CCDC85C: variants seen among roughly 807,000 people sequenced by gnomAD.
The protein encoded by CCDC85C is coiled-coil domain containing 85C, also known as coiled-coil domain-containing protein 85C.
CCDC85C carries 18 observed loss-of-function variants against 38.3 expected under a neutral mutation model. The ratio of observed to expected loss-of-function variants is 0.47; its 90% CI spans 0.33 to 0.70. CCDC85C has a LOEUF of 0.70. CCDC85C is among the 30% of genes least tolerant of loss of function. The pLI is 0.03. For synonymous variants in CCDC85C, 264 were observed against 293.8 expected, an observed-to-expected ratio of 0.90 and a Z score of 1.04; for missense variants, 566 against 621.2, an observed-to-expected ratio of 0.91 and a Z score of 0.94.
At chr14:99,526,843 G>A (rs535164875) in intron 2 of CCDC85C, among the ~76,000 whole-genome samples, 2 of 152,332 alleles carry the variant, frequency 1.3e-5, no homozygotes, top group Non-Finnish European at 2.9e-5. Context: ...TGGAAGCAGA[G>A]GCTCGAATGC....
chr14:99,558,411 A>AAGAGTTCCAAACCAGCCTG lies in CCDC85C; in HGVS notation c.794-22342_794-22324dup, dbSNP rs1473274528. 4.6e-5 allele frequency among the ~76,000 whole-genome samples: 7 copies of AAGAGTTCCAAACCAGCCTG among 152,342 alleles called. No homozygotes were observed. In the South Asian group the frequency reaches 1.0e-3, roughly 23 times the overall value. ...AAATCCAGTGACTGCACGTGAGGTC[A>AAGAGTTCCAAACCAGCCTG]AGAGTTCCAAACCAGCCTGGCCAAC... is the stretch of plus-strand genomic sequence containing the variant. On this transcript the variant is annotated intron_variant, in intron 1 of 5. Transcript: ENST00000380243. The surrounding 1 kb of genome is among the most constrained non-coding windows in gnomAD (Gnocchi z 4.2).
intron 1 of CCDC85C, among the ~76,000 whole-genome samples, chr14:99,584,984 A>G (rs1293297194): frequency 1.3e-5 from 2 of 152,122 alleles, no homozygotes; most frequent in East Asian, 1.9e-4. Context: ...AGTCCCAGAT[A>G]CTTGGGAGGC....
At position 99,569,212 on chromosome 14, in the gene CCDC85C, A is replaced by G. The variant is rs1476412701; in HGVS notation, c.794-33124T>C. Among the ~76,000 whole-genome samples, 1 of 152,202 alleles carries G rather than the reference A, an allele frequency of 6.6e-6. No individual in the cohort carries two copies. Among genetic ancestry groups the G allele is most frequent in the Non-Finnish European group, 1.5e-5 (1 of 68,040 alleles). ...CGTCGACCCATCTTCGTGAAGGAAG[A>G]CCTAAATCCTCCCAACTCCCAGGGG... is the stretch of plus-strand genomic sequence containing the variant. On this transcript the variant is annotated intron_variant, in intron 1 of 5. Transcript: ENST00000380243. The surrounding 1 kb of genome is among the most constrained non-coding windows in gnomAD (Gnocchi z 4.3).
At chr14:99,559,219 C>CT in intron 1 of CCDC85C, among the ~76,000 whole-genome samples, 1 of 151,862 alleles carries the variant, frequency 6.6e-6, no homozygotes, top group East Asian at 1.9e-4. Flanking sequence ...CAGGAGTCCC[C>CT]CCGAGAGCCT....
rs1179807340 is a variant in CCDC85C, at chr14:99,503,469, A to G, written c.*11777T>C. 3.0e-6 allele frequency: 2 copies of G among 671,808 alleles called. No individual in the cohort carries two copies. The highest frequency in any genetic ancestry group is 5.2e-6 in the Non-Finnish European group (2 of 385,936). The allele number at this position is 671,808 out of a possible 1,614,324, so 41.6% of individuals were successfully genotyped here. The stretch of plus-strand genomic sequence containing the variant: ...CTGGTAGGTGCCGTGGTTTGCCCTG[A>G]AAGTTCAGGCTAGAAATAATTTTTG... On this transcript the variant is annotated 3_prime_UTR_variant, in exon 6 of 6. Coordinates refer to ENST00000380243, the MANE Select transcript of CCDC85C (RefSeq NM_001144995.2).
At chr14:99,523,765 G>A (rs991323936) in intron 2 of CCDC85C, among the ~76,000 whole-genome samples, 8 of 145,492 alleles carry the variant, frequency 5.5e-5, no homozygotes, top group South Asian at 2.1e-4. Context: ...TAACCCTGGC[G>A]AGCATCACAA....
At chr14:99,583,724 C>G (rs2054998557) in intron 1 of CCDC85C, among the ~76,000 whole-genome samples, 1 of 151,072 alleles carries the variant, frequency 6.6e-6, no homozygotes, top group Non-Finnish European at 1.5e-5. Flanking sequence ...AGAAGAATCA[C>G]TTGAACCTGG....
Position 99,502,431 on chromosome 14 carries a change from C to A in CCDC85C, c.*12815G>T. 1 of 1,573,222 alleles carries A rather than the reference C, an allele frequency of 6.4e-7. No homozygotes were observed. The highest frequency in any genetic ancestry group is 1.4e-5 in the African/African-American group (1 of 73,740). On this transcript the variant is annotated 3_prime_UTR_variant, in exon 6 of 6. Coordinates refer to ENST00000380243, the MANE Select transcript of CCDC85C (RefSeq NM_001144995.2). Reference sequence around the variant, plus strand: ...GGTGTTCCATGTTGAGATGATTCTTCCATGTGTACCCTGAGTCCCAAGAAT... The same window carrying A: ...GGTGTTCCATGTTGAGATGATTCTTACATGTGTACCCTGAGTCCCAAGAAT...
chr14:99,514,754 T>C lies in CCDC85C; in HGVS notation c.*492A>G, dbSNP rs1897193339. ...TGTCCACATGCCGGGGACCCAGTGC[T>C]TGGGGGGCCTGGGGCCAGGCCACGG... On this transcript the variant is annotated 3_prime_UTR_variant, in exon 6 of 6. Transcript: ENST00000380243. 6.4e-6 allele frequency: 1 copy of C among 156,320 alleles called. No homozygotes were observed. Among genetic ancestry groups the C allele is most frequent in the Non-Finnish European group, 1.4e-5 (1 of 70,220 alleles). 9.7% of individuals were successfully genotyped at this position (156,320 alleles called of 1,614,324 possible).
intron 3 of CCDC85C, among the ~76,000 whole-genome samples, chr14:99,517,962 AC>A (rs1306861216): frequency 1.3e-5 from 2 of 152,146 alleles, no homozygotes; most frequent in African/African-American, 4.8e-5. Context: ...CAGACAGAAA[AC>A]ACCCAGCGGT....
intron 1 of CCDC85C, among the ~76,000 whole-genome samples, chr14:99,598,993 G>C (rs879016170): frequency 2.6e-5 from 4 of 152,174 alleles, no homozygotes; most frequent in Admixed American, 6.5e-5. Context: ...CCTTGGGACA[G>C]GCTGGGGAAG....
At position 99,500,926 on chromosome 14, in the gene CCDC85C, T is replaced by C; in HGVS notation, c.*14320A>G. 9.4e-7 allele frequency: 1 copy of C among 1,065,400 alleles called. No homozygotes were observed. Among genetic ancestry groups the C allele is most frequent in the Non-Finnish European group, 1.4e-6 (1 of 722,588 alleles). 66.0% of individuals were successfully genotyped at this position (1,065,400 alleles called of 1,614,324 possible). A position where few individuals can be genotyped will look rare whatever the true frequency, so the allele number is the denominator to read the frequency against. On this transcript the variant is annotated 3_prime_UTR_variant, in exon 6 of 6. Coordinates refer to ENST00000380243, the MANE Select transcript of CCDC85C (RefSeq NM_001144995.2). ...TCATTCTGAAATCAAGTCTTTATAA[T>C]TTGATGACACTCAAATTACGCTTCT... is the stretch of plus-strand genomic sequence containing the variant.
chr14:99,581,119 A>G (rs745571903), intron 1 of CCDC85C, among the ~76,000 whole-genome samples: 2 of 152,118 alleles, frequency 1.3e-5, no homozygotes, highest in Non-Finnish European at 2.9e-5. Flanking sequence ...TCGCTGAAGC[A>G]AAGAGGAGGA....
intron 1 of CCDC85C, among the ~76,000 whole-genome samples, chr14:99,594,122 G>C (rs2055118636): frequency 6.6e-6 from 1 of 152,026 alleles, no homozygotes. Context: ...CCACTATCTG[G>C]CACCTGGTCA....
intron 3 of CCDC85C, among the ~76,000 whole-genome samples, chr14:99,518,979 A>G (rs1166562817): frequency 1.3e-5 from 2 of 151,892 alleles, no homozygotes; most frequent in Admixed American, 6.5e-5. Context: ...ACTAGAACTC[A>G]GCCCCCTCGG....
chr14:99,516,348 C>G lies in CCDC85C; in HGVS notation c.1072-62G>C, dbSNP rs997892611. The G allele has an allele frequency of 3.5e-5, 44 of 1,241,808 alleles. No individual in the cohort carries two copies. In the African/African-American group the frequency reaches 6.0e-4, roughly 17 times the overall value. 76.9% of individuals were successfully genotyped at this position (1,241,808 alleles called of 1,614,324 possible). A position where few individuals can be genotyped will look rare whatever the true frequency, so the allele number is the denominator to read the frequency against. On this transcript the variant is annotated intron_variant, in intron 4 of 5. Coordinates refer to ENST00000380243, the MANE Select transcript of CCDC85C (RefSeq NM_001144995.2). This position sits in a 1 kb window ranked among gnomAD's most constrained non-coding sequence, Gnocchi z 5.5. ...CACCGGCAGACCTCGGGCAAGTCAC[C>G]TGGCCCCTGATCCTCAGCCTCCCCT...
At chr14:99,582,221 C>T (rs1011409953) in intron 1 of CCDC85C, among the ~76,000 whole-genome samples, 2 of 152,104 alleles carry the variant, frequency 1.3e-5, no homozygotes, top group African/African-American at 4.8e-5. Flanking sequence ...AAGGGGTAGG[C>T]GCGGCCTAGC....
Position 99,502,093 on chromosome 14 carries a change from T to TTAAAGTACTATAAA in CCDC85C, c.*13152_*13153insTTTATAGTACTTTA. 2 of 1,158,242 alleles carry TTAAAGTACTATAAA rather than the reference T, an allele frequency of 1.7e-6. No individual in the cohort carries two copies. Among genetic ancestry groups the TTAAAGTACTATAAA allele is most frequent in the African/African-American group, 1.6e-5 (1 of 62,910 alleles). 71.7% of individuals were successfully genotyped at this position (1,158,242 alleles called of 1,614,324 possible). On this transcript the variant is annotated 3_prime_UTR_variant, in exon 6 of 6. Coordinates refer to ENST00000380243, the MANE Select transcript of CCDC85C (RefSeq NM_001144995.2). ...AGTTTATTTATTTATAGTACTTTAA[T>TTAAAGTACTATAAA]TAAATTTAGGGGAGAATAAGCAAAT... is the stretch of plus-strand genomic sequence containing the variant.
At chr14:99,584,363 G>T (rs2055005882) in intron 1 of CCDC85C, among the ~76,000 whole-genome samples, 1 of 152,206 alleles carries the variant, frequency 6.6e-6, no homozygotes, top group Non-Finnish European at 1.5e-5. Flanking sequence ...AGTGGAGCCA[G>T]TGGTCCAAGG....
Sources: gnomAD v4.1 joint callset for allele counts (sites outside exome capture counted in the v4.1 genomes callset) on GRCh38, gnomAD v4.1.1 for gene constraint, Gnocchi (gnomAD v3.1) non-coding constraint, MANE v1.5 for transcripts, NCBI Gene and HGNC (gene_info 2026-07-23, HGNC 2026-07-21) for gene names.